Variants in MORC1 observed in about 807,000 individuals in gnomAD.
MORC1 encodes MORC family CW-type zinc finger protein 1.
MORC1 carries 59 observed loss-of-function variants against 134.9 expected under a neutral mutation model. The ratio of observed to expected loss-of-function variants is 0.44; its 90% confidence interval spans 0.35 to 0.54. The LOEUF (loss-of-function observed/expected upper bound fraction) is 0.54. MORC1 is among the 20% of genes least tolerant of loss of function. The probability of loss-of-function intolerance (pLI) is 0.00; values close to 1 mark genes in which losing one functional copy is unlikely to be tolerated. For synonymous variants in MORC1, 395 were observed against 391.7 expected, an observed-to-expected ratio of 1.01 and a Z score of -0.10; for missense variants, 947 against 1,134.5, an observed-to-expected ratio of 0.83 and a Z score of 2.37.
chr3:108,989,334 A>C (rs1947982492), intron 21 of MORC1, among the ~76,000 whole-genome samples: 1 of 152,208 alleles, frequency 6.6e-6, no homozygotes, highest in Non-Finnish European at 1.5e-5. Context: ...AATAGACAAC[A>C]CCTCATACAA....
At chr3:109,081,228 A>G (rs2107733688) in intron 8 of MORC1, among the ~76,000 whole-genome samples, 1 of 152,290 alleles carries the variant, frequency 6.6e-6, no homozygotes, top group South Asian at 2.1e-4. Context: ...ATTTTATAAG[A>G]CAAATAACAA....
intron 9 of MORC1, among the ~76,000 whole-genome samples, chr3:109,064,706 G>A (rs1326123673): frequency 1.3e-5 from 2 of 152,082 alleles, no homozygotes; most frequent in African/African-American, 4.8e-5. Flanking sequence ...TAAGTTATAA[G>A]AGTTTACCTG....
Position 109,011,673 on chromosome 3 carries a change from C to T in MORC1, c.1705-4582G>A, listed in dbSNP as rs146813074. On this transcript the variant is annotated intron_variant, in intron 17 of 27. Coordinates refer to ENST00000232603, the MANE Select transcript of MORC1 (RefSeq NM_014429.4). The stretch of plus-strand genomic sequence containing the variant: ...AGTAGCTATGATTACAGGCATGCGC[C>T]ACCACGCCTGGCTAATTTTGTATTT... 1.2e-4 allele frequency among the ~76,000 whole-genome samples: 19 copies of T among 152,220 alleles called. No homozygotes were observed. The East Asian group carries it at 3.7e-3, about 30-fold the overall frequency.
intron 14 of MORC1, among the ~76,000 whole-genome samples, chr3:109,040,487 A>AGAAAGAAG (rs1949510222): frequency 7.7e-6 from 1 of 129,662 alleles, no homozygotes; most frequent in Non-Finnish European, 1.7e-5. Flanking sequence ...AAAGAAAGAA[A>AGAAAGAAG]GGAAAGAAAA....
At chr3:108,997,009 C>CAA (rs36087713) in intron 21 of MORC1, among the ~76,000 whole-genome samples, 5,258 of 31,562 alleles carry the variant, frequency 0.17, 1,167 homozygotes, top group Non-Finnish European at 0.19. Flanking sequence ...GACTCTGTCT[C>CAA]AAAAAAAAAA....
At chr3:109,093,248 C>T (rs1487733748) in intron 8 of MORC1, among the ~76,000 whole-genome samples, 188 bp downstream of exon 8, 1 of 152,102 alleles carries the variant, frequency 6.6e-6, no homozygotes, top group African/African-American at 2.4e-5. Flanking sequence ...TCTCAAGAAA[C>T]ATCCCAGGGC....
At chr3:109,082,508 T>C (rs1950542882) in intron 8 of MORC1, among the ~76,000 whole-genome samples, 1 of 152,026 alleles carries the variant, frequency 6.6e-6, no homozygotes, top group African/African-American at 2.4e-5. Flanking sequence ...AAAATAATAG[T>C]TTTAAGGAAA....
At position 109,035,417 on chromosome 3, in the gene MORC1, A is replaced by T; in HGVS notation, c.1382T>A (p.Ile461Asn). 1 of 1,543,294 alleles carries T rather than the reference A, an allele frequency of 6.5e-7. No homozygotes were observed. Among genetic ancestry groups the T allele is most frequent in the Non-Finnish European group, 8.9e-7 (1 of 1,128,568 alleles). Residue 461 changes from isoleucine (I) to asparagine (N), a missense_variant, in exon 15 of 28, where the codon ATC becomes AAC. By Grantham distance (149) the Ile-to-Asn change is moderately radical (BLOSUM62 -3). Coordinates refer to ENST00000232603, the MANE Select transcript of MORC1 (RefSeq NM_014429.4). ...AGAATTTAAAGGTTTCTCCACATCG[A>T]TGTCATTCTGGTATCCAAATTCATT... is the stretch of plus-strand genomic sequence containing the variant. Reference protein sequence around the residue: ...FCNEFGYQNDIDVEKPLNSFQ... With the variant: ...FCNEFGYQNDNDVEKPLNSFQ...
At chr3:109,115,151 T>G (rs1951243113) in intron 1 of MORC1, among the ~76,000 whole-genome samples, 2 of 152,176 alleles carry the variant, frequency 1.3e-5, no homozygotes, top group African/African-American at 4.8e-5. Flanking sequence ...ATCAGCAACC[T>G]TATCACAGCA....
Position 109,000,677 on chromosome 3 carries a change from A to C in MORC1, c.2086-19T>G. Reference sequence around the variant, plus strand: ...AAGCGGCCTATAACAAGGAATTAACAAAAAAAATACAAGGATTAGTGGCAA... The same window carrying C: ...AAGCGGCCTATAACAAGGAATTAACCAAAAAAATACAAGGATTAGTGGCAA... On this transcript the variant is annotated intron_variant, in intron 20 of 27. Coordinates refer to ENST00000232603, the MANE Select transcript of MORC1 (RefSeq NM_014429.4). 6.5e-7 allele frequency: 1 copy of C among 1,540,414 alleles called. No homozygotes were observed. Among genetic ancestry groups the C allele is most frequent in the East Asian group, 2.3e-5 (1 of 44,214 alleles).
chr3:109,000,435 C>A, intron 21 of MORC1, 122 bp downstream of exon 21: 1 of 699,724 alleles, frequency 1.4e-6, no homozygotes, highest in Non-Finnish European at 2.3e-6. Flanking sequence ...AGTCTTATTT[C>A]TTCATCTCAA....
Position 109,081,670 on chromosome 3 carries a change from G to C in MORC1, c.689+11766C>G, listed in dbSNP as rs541459729. ...GGGTTTCAGTATGTTGGCCAGGCTG[G>C]TCTCGAACTCCTGACCTCGTGATCT... On this transcript the variant is annotated intron_variant, in intron 8 of 27. Transcript: ENST00000232603. Among the ~76,000 whole-genome samples, 9 of 152,222 alleles carry C rather than the reference G, an allele frequency of 5.9e-5. No individual in the cohort carries two copies. In the South Asian group the frequency reaches 1.9e-3, roughly 32 times the overall value.
chr3:109,077,477 T>A (rs1460078514), intron 8 of MORC1, among the ~76,000 whole-genome samples: 1 of 152,144 alleles, frequency 6.6e-6, no homozygotes, highest in East Asian at 1.9e-4. Flanking sequence ...TGAAATGAAA[T>A]ACATACTAAT....
Position 108,984,776 on chromosome 3 carries a change from T to C in MORC1, c.2264A>G (p.Gln755Arg). The change falls in exon 23 of 28, where the codon CAG (glutamine) becomes CGG (arginine). Residue 755 changes from glutamine to arginine, a missense_variant. By Grantham distance (43) the Gln-to-Arg change is conservative. Around this residue, in one of 3 missense-constraint regions of MORC1, gnomAD observed 722 missense variants for 817.0 expected, o/e 0.88. Transcript: ENST00000232603. ...TGCTAGAACATCATTGCACAGCTCCTGTTTTTCTTCAAAAGAACATAGACA... is the reference window on the plus strand; with the variant it reads ...TGCTAGAACATCATTGCACAGCTCCCGTTTTTCTTCAAAAGAACATAGACA... ...KEIPLLNQEK[Q>R]ELCNDVLAMK... 6.2e-7 allele frequency: 1 copy of C among 1,604,888 alleles called. No individual in the cohort carries two copies. Among genetic ancestry groups the C allele is most frequent in the Non-Finnish European group, 8.5e-7 (1 of 1,177,600 alleles).
chr3:108,993,026 G>T (rs550015364), intron 21 of MORC1, among the ~76,000 whole-genome samples: 4 of 152,130 alleles, frequency 2.6e-5, no homozygotes, highest in African/African-American at 9.6e-5. Context: ...TATTACTCTC[G>T]TTTTATATAC....
intron 20 of MORC1, among the ~76,000 whole-genome samples, chr3:109,001,451 A>T (rs941018386): frequency 6.6e-6 from 1 of 152,208 alleles, no homozygotes; most frequent in Non-Finnish European, 1.5e-5. Flanking sequence ...CCAACAACAA[A>T]AATACTCCTG....
chr3:109,086,466 C>T (rs1950618641), intron 8 of MORC1, among the ~76,000 whole-genome samples: 1 of 151,858 alleles, frequency 6.6e-6, no homozygotes, highest in Admixed American at 6.6e-5. Context: ...TGTAGAGATG[C>T]ATTGGTGGAT....
At chr3:109,011,859 C>A (rs1456647129) in intron 17 of MORC1, among the ~76,000 whole-genome samples, 2 of 152,162 alleles carry the variant, frequency 1.3e-5, no homozygotes, top group African/African-American at 4.8e-5. Flanking sequence ...GATACAAGTC[C>A]ACTGTCAGGT....
chr3:109,071,801 C>T (rs1950323726), intron 8 of MORC1, among the ~76,000 whole-genome samples: 1 of 152,020 alleles, frequency 6.6e-6, no homozygotes, highest in Admixed American at 6.6e-5. Context: ...TTCCAGAGTC[C>T]CAGAAGGAGA....
Sources: gnomAD v4.1 joint callset for allele counts (sites outside exome capture counted in the v4.1 genomes callset) on GRCh38, gnomAD v4.1.1 for gene constraint, gnomAD v4.1.1 regional missense constraint, MANE v1.5 for transcripts, NCBI Gene and HGNC (gene_info 2026-07-23, HGNC 2026-07-21) for gene names.